WNK2: variants seen among roughly 807,000 people sequenced by gnomAD.
WNK2 encodes serine/threonine-protein kinase WNK2.
WNK2 carries 67 observed loss-of-function variants against 192.1 expected under a neutral mutation model. That is an observed-to-expected ratio of 0.35 (90% CI 0.29 to 0.43). WNK2 has a LOEUF of 0.43. Ranked by LOEUF, WNK2 falls within the 20% of genes least tolerant of loss-of-function variation. The pLI is 1.00. For synonymous variants in WNK2, 1,439 were observed against 1,393.9 expected (o/e 1.03, Z -0.72); for missense variants, 2,698 against 3,089.7 (o/e 0.87, Z 3.01).
intron 2 of WNK2, among the ~76,000 whole-genome samples, chr9:93,199,371 C>A (rs1437246225): frequency 6.6e-6 from 1 of 152,152 alleles, no homozygotes; most frequent in African/African-American, 2.4e-5. Context: ...GTTGGTGACT[C>A]TAGGCTACCT....
In WNK2 at chr9:93,229,707, C is replaced by T; in HGVS notation, c.693C>T (p.Leu231=). The change falls in exon 3 of 30, where the codon CTC becomes CTT. Residue 231 remains leucine (L), a synonymous_variant. Coordinates refer to ENST00000427277, the MANE Select transcript of WNK2 (RefSeq NM_006648.4). This position sits in a 1 kb window ranked among gnomAD's most constrained non-coding sequence, Gnocchi z 4.9. ...CTCTTGCCCTGTAGGACCGGAAGCT[C>T]ACCAAGCTGGAGCGGCAGCGGTTCA... The part of the protein sequence containing the change: ...VAWCELQDRK[L]TKLERQRFKE... 1 of 1,613,170 alleles carries T rather than the reference C, an allele frequency of 6.2e-7. No individual in the cohort carries two copies. Among genetic ancestry groups the T allele is most frequent in the Non-Finnish European group, 8.5e-7 (1 of 1,179,522 alleles).
intron 2 of WNK2, among the ~76,000 whole-genome samples, chr9:93,215,410 C>G (rs929396323): frequency 6.6e-6 from 1 of 152,166 alleles, no homozygotes; most frequent in African/African-American, 2.4e-5. Context: ...CTGCACCTGG[C>G]CTTATTTTTA....
rs535240023 is a variant in WNK2 at position 93,317,894 on chromosome 9, G to A, written c.6628+263G>A. 142 of 1,582,290 alleles carry A rather than the reference G, an allele frequency of 9.0e-5. No individual in the cohort carries two copies. The South Asian group carries it at 1.3e-3, about 14-fold the overall frequency. ...CCAGATGGCGCCCTCGGAACCGCCC[G>A]GAGAAACCAGGTGTGGTTTGGCCTC... On this transcript the variant is annotated intron_variant, in intron 29 of 29. Transcript: ENST00000427277.
intron 28 of WNK2, chr9:93,316,579 G>T (rs114333343): frequency 6.6e-6 from 1 of 152,164 alleles, no homozygotes; most frequent in African/African-American, 2.4e-5. Context: ...ATAAAACTAT[G>T]GTTGACTTTC....
At chr9:93,189,955 C>T (rs1461247947) in intron 2 of WNK2, among the ~76,000 whole-genome samples, 1 of 152,230 alleles carries the variant, frequency 6.6e-6, no homozygotes, top group Non-Finnish European at 1.5e-5. Context: ...GTGCATGGCA[C>T]TCACTTACTG....
intron 2 of WNK2, among the ~76,000 whole-genome samples, chr9:93,196,413 G>A (rs1831291823): frequency 6.6e-6 from 1 of 152,188 alleles, no homozygotes; most frequent in Admixed American, 6.5e-5. Flanking sequence ...AGCAACATCA[G>A]CTGGGACATG....
Position 93,242,560 on chromosome 9 carries a change from T to C in WNK2, c.1542+2584T>C, listed in dbSNP as rs542346137. Among the ~76,000 whole-genome samples the C allele has an allele frequency of 4.6e-5, 7 of 152,368 alleles. No individual in the cohort carries two copies. In the South Asian group the frequency reaches 1.5e-3, roughly 32 times the overall value. On this transcript the variant is annotated intron_variant, in intron 7 of 29. Coordinates refer to ENST00000427277, the MANE Select transcript of WNK2 (RefSeq NM_006648.4). ...ATACAGCTGTCCGTTCACACATTCA[T>C]TGCAAATAGCAAGTGCCGAGTGAGA...
At chr9:93,202,983 C>T (rs1205808318) in intron 2 of WNK2, among the ~76,000 whole-genome samples, 2 of 151,218 alleles carry the variant, frequency 1.3e-5, no homozygotes, top group Admixed American at 6.6e-5. Flanking sequence ...ACGTGGCAAC[C>T]ATTGGAGGAG....
At chr9:93,317,877 C>T (rs768523545) in intron 29 of WNK2, 10 of 1,561,878 alleles carry the variant, frequency 6.4e-6, no homozygotes, top group East Asian at 4.6e-5. Flanking sequence ...TGCCAGATGG[C>T]GCCCTCGGAA....
At chr9:93,195,718 A>AAAAAAAAAAC in intron 2 of WNK2, among the ~76,000 whole-genome samples, 1 of 151,000 alleles carries the variant, frequency 6.6e-6, no homozygotes, top group Admixed American at 6.6e-5. Flanking sequence ...AAAAAAAAAA[A>AAAAAAAAAAC]AAAAAAGATG....
rs1025448677 is a variant in WNK2 at position 93,268,161 on chromosome 9, T to A, written c.3913+96T>A. 4.7e-6 allele frequency: 7 copies of A among 1,501,428 alleles called. No homozygotes were observed. In the East Asian group the frequency reaches 1.7e-4, roughly 37 times the overall value. The allele number at this position is 1,501,428 out of a possible 1,614,324, so 93.0% of individuals were successfully genotyped here. A position where few individuals can be genotyped will look rare whatever the true frequency, so the allele number is the denominator to read the frequency against. ...GGGGTTTGGCCATTGCTTGGGGGGA[T>A]TATGGAAGCATGTGGTGACCAGGGG... On this transcript the variant is annotated intron_variant, in intron 18 of 29. Coordinates refer to ENST00000427277, the MANE Select transcript of WNK2 (RefSeq NM_006648.4).
intron 2 of WNK2, among the ~76,000 whole-genome samples, chr9:93,227,405 A>G (rs1019013279): frequency 1.3e-5 from 2 of 151,760 alleles, no homozygotes; most frequent in East Asian, 1.9e-4. Context: ...GAGCCACCGC[A>G]CCCGGCCGTA....
At chr9:93,237,750 C>A (rs1021559039) in intron 5 of WNK2, among the ~76,000 whole-genome samples, 1 of 152,216 alleles carries the variant, frequency 6.6e-6, no homozygotes, top group African/African-American at 2.4e-5. Context: ...GCCTGCAGCT[C>A]CCTGTGGTTC....
Position 93,268,627 on chromosome 9 carries a change from T to C in WNK2, c.3914T>C (p.Val1305Ala). 1 of 1,611,594 alleles carries C rather than the reference T, an allele frequency of 6.2e-7. No homozygotes were observed. Among genetic ancestry groups the C allele is most frequent in the Non-Finnish European group, 8.5e-7 (1 of 1,179,112 alleles). The change falls in exon 19 of 30, where the codon GTC (valine) becomes GCC (alanine). Residue 1305 changes from valine to alanine, a missense_variant and splice_region_variant. This residue lies in a region of WNK2 where 1,098 missense variants were observed against 1,101.0 expected (regional missense o/e 1.00). Coordinates refer to ENST00000427277, the MANE Select transcript of WNK2 (RefSeq NM_006648.4). ...QANAPVYQQN[V>A]LHTGKRWFII... Reference sequence around the variant, plus strand: ...GTGCTGTTTCTGTTCTGCCCTTCAGTCCTGCACACCGGGAAGAGGTGGTTC... The same window carrying C: ...GTGCTGTTTCTGTTCTGCCCTTCAGCCCTGCACACCGGGAAGAGGTGGTTC...
At chr9:93,256,530 A>G (rs935159733) in intron 10 of WNK2, 76 bp downstream of exon 10, 40 of 1,409,714 alleles carry the variant, frequency 2.8e-5, no homozygotes, top group Non-Finnish European at 3.3e-5. Context: ...GCCCAGGTCT[A>G]TGAGCACCTC....
chr9:93,216,070 G>C (rs1339996996), intron 2 of WNK2, among the ~76,000 whole-genome samples: 1 of 152,204 alleles, frequency 6.6e-6, no homozygotes, highest in Non-Finnish European at 1.5e-5. Flanking sequence ...TGGTTGGTCT[G>C]TTCTGTTTTA....
At chr9:93,246,224 C>T (rs1161604747) in intron 7 of WNK2, among the ~76,000 whole-genome samples, 2 of 152,316 alleles carry the variant, frequency 1.3e-5, no homozygotes, top group South Asian at 2.1e-4. Context: ...GCTCCCGTGC[C>T]GTTTTGCACG....
chr9:93,249,150 A>G (rs1842185463), intron 8 of WNK2, among the ~76,000 whole-genome samples: 1 of 152,266 alleles, frequency 6.6e-6, no homozygotes, highest in Admixed American at 6.5e-5. Flanking sequence ...TTTTTGTAAG[A>G]AGAAATTCTT....
rs1843454233 is a variant in WNK2 at position 93,257,199 on chromosome 9, G to T, written c.2382+60G>T. ...CGCACGCTTTGCCAGGCCCTGGCTG[G>T]TGCACTAGGACACCCACAGAGGGGG... On this transcript the variant is annotated intron_variant, in intron 11 of 29. Transcript: ENST00000427277. This position sits in a 1 kb window ranked among gnomAD's most constrained non-coding sequence, Gnocchi z 4.7. 6.5e-7 allele frequency: 1 copy of T among 1,538,306 alleles called. No individual in the cohort carries two copies.
Sources: gnomAD v4.1 joint callset for allele counts (sites outside exome capture counted in the v4.1 genomes callset) on GRCh38, gnomAD v4.1.1 for gene constraint, gnomAD v4.1.1 regional missense constraint, Gnocchi (gnomAD v3.1) non-coding constraint, MANE v1.5 for transcripts, NCBI Gene and HGNC (gene_info 2026-07-23, HGNC 2026-07-21) for gene names.